CSMD2: variants seen among roughly 807,000 people sequenced by gnomAD.
CSMD2 encodes the protein CUB and sushi domain-containing protein 2.
A neutral mutation model predicts 398.5 loss-of-function variants in CSMD2; 130 were observed. The observed-to-expected ratio is 0.33, with a 90% CI of 0.28 to 0.38. CSMD2 has a LOEUF of 0.38. Ranked by LOEUF, CSMD2 falls within the 10% of genes least tolerant of loss-of-function variation. The pLI, the probability that CSMD2 is intolerant of heterozygous loss-of-function variation, is 1.00. For synonymous variants in CSMD2, 1,828 were observed against 1,908.5 expected, an observed-to-expected ratio of 0.96 and a Z score of 1.10; for missense variants, 3,829 against 4,764.9, an observed-to-expected ratio of 0.80 and a Z score of 5.78.
At chr1:34,142,705 CTT>C (rs1639416072) in intron 1 of CSMD2, among the ~76,000 whole-genome samples, 1 of 152,182 alleles carries the variant, frequency 6.6e-6, no homozygotes, top group South Asian at 2.1e-4. Context: ...CCATGTGTGA[CTT>C]TTTGTGACAT....
At chr1:33,756,895 T>C (rs370592668) in intron 13 of CSMD2, among the ~76,000 whole-genome samples, 1 of 152,016 alleles carries the variant, frequency 6.6e-6, no homozygotes, top group African/African-American at 2.4e-5. Context: ...TAGCAAAGAC[T>C]TGGAACCAAC....
At chr1:33,788,464 T>A in intron 12 of CSMD2, 136 bp downstream of exon 12, 1 of 588,042 alleles carries the variant, frequency 1.7e-6, no homozygotes, top group Non-Finnish European at 3.0e-6. Context: ...GCTAAGATCG[T>A]GCCACGGCAC....
intron 55 of CSMD2, among the ~76,000 whole-genome samples, chr1:33,555,961 G>T (rs1020343712): frequency 2.0e-5 from 3 of 152,076 alleles, no homozygotes; most frequent in African/African-American, 4.8e-5. Flanking sequence ...TTTGGAGTAA[G>T]CTGATTCTAA....
At chr1:34,002,749 C>T (rs1646939952) in intron 3 of CSMD2, among the ~76,000 whole-genome samples, 1 of 152,088 alleles carries the variant, frequency 6.6e-6, no homozygotes, top group African/African-American at 2.4e-5. Flanking sequence ...CCTAAGCCCA[C>T]ACATGGGGAT....
chr1:33,594,773 C>G (rs568285777), intron 44 of CSMD2, among the ~76,000 whole-genome samples: 2 of 152,300 alleles, frequency 1.3e-5, no homozygotes, highest in South Asian at 4.1e-4. Context: ...TCTGCTCTCG[C>G]TGATTCTTGT....
intron 6 of CSMD2, among the ~76,000 whole-genome samples, chr1:33,843,176 C>T (rs558851377): frequency 9.2e-5 from 14 of 152,298 alleles, no homozygotes; most frequent in African/African-American, 3.1e-4. Context: ...TAGGCGCATT[C>T]ATCTTTTTTG....
At chr1:34,027,516 A>G (rs966305528) in intron 3 of CSMD2, among the ~76,000 whole-genome samples, 2 of 152,248 alleles carry the variant, frequency 1.3e-5, no homozygotes, top group African/African-American at 4.8e-5. Context: ...TGCACTTCCA[A>G]GAATTTATTC....
rs368582506 is a variant in CSMD2, at chr1:33,611,023, G to A, written c.6343+18C>T. The A allele has an allele frequency of 3.2e-5, 51 of 1,609,226 alleles. No homozygotes were observed. Among genetic ancestry groups the A allele is most frequent in the East Asian group, 2.5e-4 (11 of 44,802 alleles). ...TGGAGATAGACAGAGAAGCAAAGGC[G>A]GTGCTCCTTGTCCTTACCCTGATAC... On this transcript the variant is annotated intron_variant, in intron 41 of 70. Coordinates refer to ENST00000373381, the MANE Select transcript of CSMD2 (RefSeq NM_001281956.2).
chr1:33,745,181 T>C (rs1647241965), intron 13 of CSMD2, among the ~76,000 whole-genome samples: 1 of 152,212 alleles, frequency 6.6e-6, no homozygotes, highest in Non-Finnish European at 1.5e-5. Flanking sequence ...CAGTAGATCA[T>C]AAAATTATAT....
rs77006424 is a variant in CSMD2, at chr1:33,805,748, A to C, written c.1446+4995T>G. ...TTCGTGTGTGCACAGAGGAAAAGCCATGAGAGGACACAGTGAGAAGGTGGC... is the reference window on the plus strand; with the variant it reads ...TTCGTGTGTGCACAGAGGAAAAGCCCTGAGAGGACACAGTGAGAAGGTGGC... On this transcript the variant is annotated intron_variant, in intron 10 of 70. Transcript: ENST00000373381. 7.2e-3 allele frequency among the ~76,000 whole-genome samples: 1,095 copies of C among 152,226 alleles called. 6 individuals are homozygous for C. The highest frequency in any genetic ancestry group is 0.025 in the African/African-American group (1,021 of 41,546).
intron 4 of CSMD2, among the ~76,000 whole-genome samples, chr1:33,921,137 TCTC>T (rs1643923745): frequency 6.6e-6 from 1 of 152,150 alleles, no homozygotes; most frequent in Middle Eastern, 3.4e-3. Flanking sequence ...GAGGTTCTGT[TCTC>T]CTCCCCTCTT....
chr1:34,019,790 C>T (rs564860722), intron 3 of CSMD2, among the ~76,000 whole-genome samples: 2 of 152,324 alleles, frequency 1.3e-5, no homozygotes, highest in African/African-American at 4.8e-5. Flanking sequence ...CCTACATGAG[C>T]TATTCCCTGT....
intron 28 of CSMD2, among the ~76,000 whole-genome samples, chr1:33,648,851 A>C (rs994603091): frequency 6.6e-6 from 1 of 152,120 alleles, no homozygotes; most frequent in African/African-American, 2.4e-5. Flanking sequence ...TTTGTTTTCT[A>C]ATCTTAAAAA....
At position 33,540,692 on chromosome 1, in the gene CSMD2, A is replaced by C. The variant is rs775912886; in HGVS notation, c.9464T>G (p.Met3155Arg). Residue 3155 changes from methionine to arginine, a missense_variant, in exon 60 of 71, where the codon ATG (methionine) becomes AGG (arginine). Transcript: ENST00000373381. ...GGGGATGAGCGGAGGTGGCTTGCACATGAGAGCTGGAGGGAGACCAAAGCA... is the reference window on the plus strand; with the variant it reads ...GGGGATGAGCGGAGGTGGCTTGCACCTGAGAGCTGGAGGGAGACCAAAGCA... ...NGTKPVCKAL[M>R]CKPPPLIPNG... The C allele has an allele frequency of 1.4e-5, 22 of 1,614,050 alleles. No individual in the cohort carries two copies. The highest frequency in any genetic ancestry group is 1.9e-5 in the Non-Finnish European group (22 of 1,180,016).
intron 5 of CSMD2, chr1:33,864,841 C>A: frequency 9.0e-7 from 1 of 1,109,884 alleles, no homozygotes. Context: ...GTGACTGATG[C>A]TTTGTGGAGG....
rs775969093 is a variant in CSMD2, at chr1:33,725,470, C to A, written c.2574G>T (p.Leu858Phe). ...CCTGGGTCCCGTGGTAAACCCCGAT[C>A]AAGGGCGCTGAGTAAGTCCGCCCAT... ...VRDGRTYSAP[L>F]IGVYHGTQVP... Residue 858 changes from leucine (L) to phenylalanine (F), a missense_variant, in exon 17 of 71, where the codon TTG (leucine) becomes TTT (phenylalanine). Physicochemically the swap from Leu to Phe is conservative, Grantham distance 22. This residue lies in a region of CSMD2 where 2,001 missense variants were observed against 2,567.1 expected (regional missense o/e 0.78). Transcript: ENST00000373381. 1 of 1,614,198 alleles carries A rather than the reference C, an allele frequency of 6.2e-7. No individual in the cohort carries two copies. Among genetic ancestry groups the A allele is most frequent in the Admixed American group, 1.7e-5 (1 of 60,016 alleles).
rs1646448623 is a variant in CSMD2 at position 33,724,180 on chromosome 1, T to C, written c.3001+17A>G. ...CCTCGTCACATCCCAATGCCTGCTA[T>C]GGGCTGAAACACTCACCCTTGCCAT... On this transcript the variant is annotated intron_variant, in intron 19 of 70. Transcript: ENST00000373381. The C allele has an allele frequency of 1.3e-6, 2 of 1,576,612 alleles. No homozygotes were observed. The highest frequency in any genetic ancestry group is 2.7e-5 in the African/African-American group (2 of 74,346).
chr1:33,780,137 G>A (rs1227660249), intron 12 of CSMD2, among the ~76,000 whole-genome samples: 2 of 152,066 alleles, frequency 1.3e-5, no homozygotes, highest in African/African-American at 4.8e-5. Context: ...CAGAGCCAGG[G>A]GTCGCATCCC....
At chr1:34,044,433 C>A (rs1652244718) in intron 2 of CSMD2, among the ~76,000 whole-genome samples, 1 of 152,126 alleles carries the variant, frequency 6.6e-6, no homozygotes, top group Non-Finnish European at 1.5e-5. Flanking sequence ...CTAAAGCATC[C>A]TGTGGGCTGG....
Sources: gnomAD v4.1 joint callset for allele counts (sites outside exome capture counted in the v4.1 genomes callset) on GRCh38, gnomAD v4.1.1 for gene constraint, gnomAD v4.1.1 regional missense constraint, MANE v1.5 for transcripts, NCBI Gene and HGNC (gene_info 2026-07-23, HGNC 2026-07-21) for gene names.